FMN1: variants seen among roughly 807,000 people sequenced by gnomAD.
FMN1 encodes the protein formin 1.
In FMN1, 110 loss-of-function variants were observed where a neutral mutation model predicts 132.4. The observed-to-expected ratio is 0.83, with a 90% CI of 0.71 to 0.97. The LOEUF (loss-of-function observed/expected upper bound fraction) is 0.97. FMN1 is among the 50% of genes least tolerant of loss of function. The pLI is 0.00. For synonymous variants in FMN1, 722 were observed against 651.7 expected, an observed-to-expected ratio of 1.11 and a Z score of -1.64; for missense variants, 1,792 against 1,705.3, an observed-to-expected ratio of 1.05 and a Z score of -0.90.
chr15:33,049,574 A>C (rs1257848593), intron 6 of FMN1, among the ~76,000 whole-genome samples: 1 of 152,242 alleles, frequency 6.6e-6, no homozygotes, highest in African/African-American at 2.4e-5. Flanking sequence ...AATGACCAAA[A>C]GAGGGGAATT....
chr15:32,977,594 G>C (rs533098314), intron 7 of FMN1, among the ~76,000 whole-genome samples: 3 of 152,226 alleles, frequency 2.0e-5, no homozygotes, highest in African/African-American at 7.2e-5. Flanking sequence ...TGAAATGAGA[G>C]GTTTAAAATA....
chr15:32,884,312 A>T (rs1175726059), intron 16 of FMN1, among the ~76,000 whole-genome samples: 1 of 152,136 alleles, frequency 6.6e-6, no homozygotes, highest in Admixed American at 6.6e-5. Context: ...TTCCACTTCT[A>T]GAGGCTTCCC....
intron 6 of FMN1, among the ~76,000 whole-genome samples, chr15:33,043,053 C>T (rs1242806734): frequency 2.0e-5 from 3 of 152,192 alleles, no homozygotes; most frequent in Non-Finnish European, 4.4e-5. Context: ...GATGATTTTT[C>T]AGGTTTACAA....
At chr15:33,111,053 A>G (rs2039682363) in intron 4 of FMN1, among the ~76,000 whole-genome samples, 1 of 152,146 alleles carries the variant, frequency 6.6e-6, no homozygotes, top group African/African-American at 2.4e-5. Context: ...TTTTTATGGT[A>G]TGCTATTCCT....
chr15:32,888,061 GCTGAA>G (rs2059936295), intron 16 of FMN1, 106 bp downstream of exon 16: 1 of 866,634 alleles, frequency 1.2e-6, no homozygotes. Flanking sequence ...GTGTACCATT[GCTGAA>G]CTCTGCACCA....
Position 33,068,030 on chromosome 15 carries a change from T to C in FMN1, c.2044-2956A>G, listed in dbSNP as rs2037828974. ...CTGTCAGCCGCACAGCAAACACACT[T>C]GGTCTCTTTCGGGTCACAGTGCCCT... is the stretch of plus-strand genomic sequence containing the variant. On this transcript the variant is annotated intron_variant, in intron 5 of 20. Coordinates refer to ENST00000616417, the MANE Select transcript of FMN1 (RefSeq NM_001277313.2). 8 of 1,441,350 alleles carry C rather than the reference T, an allele frequency of 5.6e-6. No homozygotes were observed. In the South Asian group the frequency reaches 1.1e-4, roughly 19 times the overall value. 89.3% of individuals were successfully genotyped at this position (1,441,350 alleles called of 1,614,324 possible).
chr15:33,024,560 T>C (rs1485125292), intron 6 of FMN1, among the ~76,000 whole-genome samples: 1 of 152,192 alleles, frequency 6.6e-6, no homozygotes, highest in Non-Finnish European at 1.5e-5. Context: ...TTTAAAAATA[T>C]TAATTAGTCT....
intron 15 of FMN1, among the ~76,000 whole-genome samples, chr15:32,891,089 T>C (rs560788767): frequency 6.6e-6 from 1 of 152,364 alleles, no homozygotes; most frequent in Admixed American, 6.5e-5. Flanking sequence ...TCTGTTCCAT[T>C]GGTCTATGTG....
At chr15:32,833,006 T>C (rs961646448) in intron 17 of FMN1, among the ~76,000 whole-genome samples, 1 of 152,170 alleles carries the variant, frequency 6.6e-6, no homozygotes, top group Admixed American at 6.5e-5. Context: ...TTTGTCCTTC[T>C]AAAGTGTTAG....
At chr15:32,926,418 C>T (rs546250111) in intron 9 of FMN1, among the ~76,000 whole-genome samples, 157 bp from the exon 10 acceptor site, 12 of 152,242 alleles carry the variant, frequency 7.9e-5, no homozygotes, top group African/African-American at 2.9e-4. Context: ...TGGGAAGTAA[C>T]TTATGCACAA....
chr15:33,040,120 T>C (rs8028114), intron 6 of FMN1, among the ~76,000 whole-genome samples: 41,186 of 152,152 alleles, frequency 0.27, 5,786 homozygotes, highest in Non-Finnish European at 0.31. Context: ...CTTTGTCTCA[T>C]GTATATCATT....
chr15:33,045,987 G>A (rs538968755), intron 6 of FMN1, among the ~76,000 whole-genome samples: 6 of 152,148 alleles, frequency 3.9e-5, no homozygotes, highest in East Asian at 1.9e-4. Context: ...TCTTGATCTG[G>A]CATTTAATTA....
chr15:33,028,929 T>C (rs2035806351), intron 6 of FMN1, among the ~76,000 whole-genome samples: 1 of 152,174 alleles, frequency 6.6e-6, no homozygotes, highest in Non-Finnish European at 1.5e-5. Context: ...AGTTTGAAAA[T>C]AATAAAATAG....
At chr15:33,065,940 A>G (rs1354744287) in intron 5 of FMN1, among the ~76,000 whole-genome samples, 1 of 152,170 alleles carries the variant, frequency 6.6e-6, no homozygotes, top group African/African-American at 2.4e-5. Context: ...CTCATTTTGC[A>G]CATGAGGAGA....
At chr15:32,827,280 G>A (rs2058390014) in intron 17 of FMN1, among the ~76,000 whole-genome samples, 1 of 152,172 alleles carries the variant, frequency 6.6e-6, no homozygotes, top group South Asian at 2.1e-4. Context: ...GATTGTCTTT[G>A]GGTCTCGGCA....
chr15:32,915,199 A>G (rs1396831253), intron 10 of FMN1, among the ~76,000 whole-genome samples: 1 of 152,130 alleles, frequency 6.6e-6, no homozygotes, highest in African/African-American at 2.4e-5. Context: ...TGCCTAAGAG[A>G]ACTGCCTTAC....
chr15:33,162,591 C>A (rs1964939418), intron 3 of FMN1, among the ~76,000 whole-genome samples: 1 of 152,044 alleles, frequency 6.6e-6, no homozygotes, highest in Non-Finnish European at 1.5e-5. Context: ...ACTGAGAAAA[C>A]AAGGATTTTA....
Position 33,088,848 on chromosome 15 carries a change from T to G in FMN1, c.1994A>C (p.His665Pro). ...CCTGTTTGACTTCTCCCTTTCCTCA[T>G]GAAGCAAAAATGGACAGGCTGGTCC... ...RAGPACPFLL[H>P]EEREKSNRSE... The change falls in exon 5 of 21, where the codon CAT (histidine) becomes CCT (proline). Residue 665 changes from histidine (H) to proline (P), a missense_variant. Transcript: ENST00000616417. 2.0e-6 allele frequency: 3 copies of G among 1,535,922 alleles called. No homozygotes were observed. The South Asian group carries it at 3.6e-5, about 18-fold the overall frequency.
At chr15:32,961,130 G>T (rs1006656923) in intron 9 of FMN1, among the ~76,000 whole-genome samples, 36 of 149,426 alleles carry the variant, frequency 2.4e-4, no homozygotes, top group African/African-American at 8.4e-4. Flanking sequence ...TTCAGATATT[G>T]TTCATCTTTT....
Sources: gnomAD v4.1 joint callset for allele counts (sites outside exome capture counted in the v4.1 genomes callset) on GRCh38, gnomAD v4.1.1 for gene constraint, MANE v1.5 for transcripts, NCBI Gene and HGNC (gene_info 2026-07-23, HGNC 2026-07-21) for gene names.